The following NAALADL2 variants were observed in gnomAD, a reference collection of about 807,000 sequenced individuals.
The protein encoded by NAALADL2 is inactive N-acetylated-alpha-linked acidic dipeptidase-like protein 2.
In NAALADL2, 76 loss-of-function variants were observed where a neutral mutation model predicts 87.2. The ratio of observed to expected loss-of-function variants is 0.87; its 90% CI spans 0.72 to 1.05. The LOEUF (loss-of-function observed/expected upper bound fraction) is 1.05. Among genes scored for constraint, NAALADL2 ranks in the 50% least tolerant of loss-of-function variants. NAALADL2 has a pLI of 0.00. For synonymous variants in NAALADL2, 354 were observed against 331.0 expected (o/e 1.07, Z -0.75); for missense variants, 1,089 against 945.8 (o/e 1.15, Z -1.99).
intron 9 of NAALADL2, among the ~76,000 whole-genome samples, chr3:175,571,097 T>G (rs1056692276): frequency 1.3e-5 from 2 of 152,220 alleles, no homozygotes; most frequent in African/African-American, 4.8e-5. Context: ...TTTAGAAACT[T>G]GTCAATTGTC....
At position 174,794,650 on chromosome 3, in the gene NAALADL2, G is replaced by C. The variant is rs144350938; in HGVS notation, c.-9+56904G>C. ...TAGACACTACGGCTCTTCCCATGTG[G>C]AGCATACTATCTAATTTAAACTTTT... On this transcript the variant is annotated intron_variant, in intron 3 of 3. Coordinates refer to the NAALADL2 transcript ENST00000434257. Among the ~76,000 whole-genome samples, 149 of 152,208 alleles carry C rather than the reference G, an allele frequency of 9.8e-4. 1 individual carries two copies. In the Middle Eastern group the frequency reaches 0.014, roughly 14 times the overall value.
chr3:175,129,779 T>C (rs1425631047), intron 2 of NAALADL2, among the ~76,000 whole-genome samples: 1 of 152,216 alleles, frequency 6.6e-6, no homozygotes, highest in Admixed American at 6.5e-5. Flanking sequence ...CTGCACTGAA[T>C]ATGAAAGTAC....
At chr3:175,139,486 A>G (rs893047100) in intron 2 of NAALADL2, among the ~76,000 whole-genome samples, 1 of 152,122 alleles carries the variant, frequency 6.6e-6, no homozygotes, top group Non-Finnish European at 1.5e-5. Context: ...GGTAGAGTTA[A>G]TTTATTTCCT....
At chr3:175,505,041 A>C (rs999868397) in intron 9 of NAALADL2, among the ~76,000 whole-genome samples, 8 of 152,192 alleles carry the variant, frequency 5.3e-5, no homozygotes, top group Non-Finnish European at 8.8e-5. Flanking sequence ...GATGGATCCC[A>C]GTGGCTTCCA....
In NAALADL2 at chr3:175,466,977, A is replaced by C; in HGVS notation, c.1328-2A>C. The C allele has an allele frequency of 6.2e-7, 1 of 1,608,090 alleles. No individual in the cohort carries two copies. Among genetic ancestry groups the C allele is most frequent in the South Asian group, 1.1e-5 (1 of 90,892 alleles). On this transcript the variant is annotated splice_acceptor_variant, in intron 7 of 13. Transcript: ENST00000454872. LOFTEE classifies it high-confidence loss of function. ...ATGGCTCTTGTCCCTTTCTATTTTC[A>C]GACCGGTATATCATAGTTGGCAGCC... is the stretch of plus-strand genomic sequence containing the variant.
At chr3:174,824,244 T>C (rs567119358) in intron 3 of NAALADL2, among the ~76,000 whole-genome samples, 15 of 152,292 alleles carry the variant, frequency 9.8e-5, no homozygotes, top group Non-Finnish European at 1.6e-4. Flanking sequence ...TTTAACATTT[T>C]AATTTATTAA....
intron 12 of NAALADL2, 114 bp from the exon 13 acceptor site, chr3:175,755,106 C>T: frequency 1.2e-6 from 1 of 806,404 alleles, no homozygotes; most frequent in Non-Finnish European, 1.9e-6. Flanking sequence ...TGACAATTTC[C>T]TCTTCCTTCT....
intron 13 of NAALADL2, among the ~76,000 whole-genome samples, chr3:175,764,198 TA>T (rs1380245691): frequency 6.6e-6 from 1 of 151,786 alleles, no homozygotes; most frequent in African/African-American, 2.4e-5. Context: ...TATGGTCCAG[TA>T]TCCCATTTTT....
chr3:174,891,045 G>T (rs550359830), intron 1 of NAALADL2, among the ~76,000 whole-genome samples: 2 of 152,084 alleles, frequency 1.3e-5, no homozygotes, highest in South Asian at 4.2e-4. Context: ...ATAGAAACTA[G>T]AAATATTGTA....
chr3:174,454,176 T>C (rs766724567), intron 1 of NAALADL2, among the ~76,000 whole-genome samples: 3 of 152,126 alleles, frequency 2.0e-5, no homozygotes, highest in Non-Finnish European at 2.9e-5. Context: ...AAGGGTTCAA[T>C]TCAACGGGAA....
chr3:175,265,701 G>C (rs1336609781), intron 4 of NAALADL2, among the ~76,000 whole-genome samples: 1 of 151,378 alleles, frequency 6.6e-6, no homozygotes, highest in African/African-American at 2.4e-5. Context: ...TAAAACTTTT[G>C]TAATTAAAAT....
At chr3:175,455,724 T>G (rs1169859230) in intron 6 of NAALADL2, among the ~76,000 whole-genome samples, 1 of 152,038 alleles carries the variant, frequency 6.6e-6, no homozygotes, top group Non-Finnish European at 1.5e-5. Context: ...GCAGTTTATA[T>G]TCAGATTTTC....
At chr3:174,930,512 G>A (rs565863310) in intron 1 of NAALADL2, among the ~76,000 whole-genome samples, 98 of 149,886 alleles carry the variant, frequency 6.5e-4, no homozygotes, top group African/African-American at 2.3e-3. Context: ...TAACCCAGGT[G>A]GAAAAATAAA....
intron 2 of NAALADL2, among the ~76,000 whole-genome samples, chr3:174,554,896 AGC>A (rs1712567729): frequency 6.6e-6 from 1 of 152,258 alleles, no homozygotes; most frequent in African/African-American, 2.4e-5. Flanking sequence ...CAGATCAAGT[AGC>A]CAGAAGATTC....
chr3:174,852,295 T>G (rs1725339256), intron 3 of NAALADL2, among the ~76,000 whole-genome samples: 1 of 152,094 alleles, frequency 6.6e-6, no homozygotes, highest in Non-Finnish European at 1.5e-5. Flanking sequence ...CTTGCAGATG[T>G]TATAGCCTTA....
intron 9 of NAALADL2, among the ~76,000 whole-genome samples, chr3:175,524,436 A>G (rs1582248713): frequency 6.6e-6 from 1 of 152,118 alleles, no homozygotes; most frequent in Non-Finnish European, 1.5e-5. Flanking sequence ...TACTTTTATC[A>G]TAGGTAACTT....
chr3:174,865,585 A>G (rs1394587519), intron 1 of NAALADL2, among the ~76,000 whole-genome samples: 1 of 151,906 alleles, frequency 6.6e-6, no homozygotes, highest in Non-Finnish European at 1.5e-5. Flanking sequence ...CATCACATCC[A>G]CATTTCTTCG....
At chr3:174,859,472 A>T in intron 1 of NAALADL2, 22 bp downstream of exon 1, 2 of 1,589,254 alleles carry the variant, frequency 1.3e-6, no homozygotes, top group Non-Finnish European at 8.6e-7. Flanking sequence ...CAGCCTATGA[A>T]CTTTTCACTT....
intron 5 of NAALADL2, among the ~76,000 whole-genome samples, chr3:175,324,588 T>C (rs1446375098): frequency 5.9e-5 from 9 of 152,344 alleles, no homozygotes; most frequent in African/African-American, 1.9e-4. Flanking sequence ...TTATGTGTTA[T>C]TGTTGATTGA....
Sources: gnomAD v4.1 joint callset for allele counts (sites outside exome capture counted in the v4.1 genomes callset) on GRCh38, gnomAD v4.1.1 for gene constraint, MANE v1.5 for transcripts, NCBI Gene and HGNC (gene_info 2026-07-23, HGNC 2026-07-21) for gene names.